The following NELL1 variants were observed in gnomAD, a reference collection of about 807,000 sequenced individuals.
NELL1 encodes the protein protein kinase C-binding protein NELL1.
Under a neutral mutation model 107.4 loss-of-function variants are expected in NELL1, and 76 were observed. That is an observed-to-expected ratio of 0.71 (90% CI 0.59 to 0.86). The LOEUF (loss-of-function observed/expected upper bound fraction) is 0.86, where lower values mean the gene tolerates loss of function less well. NELL1 is among the 40% of genes least tolerant of loss of function. The probability of loss-of-function intolerance (pLI) is 0.00; values close to 1 mark genes in which losing one functional copy is unlikely to be tolerated. For missense variants in NELL1, 1,024 were observed against 1,005.5 expected, an observed-to-expected ratio of 1.02 and a Z score of -0.25; for synonymous variants, 353 against 341.2, an observed-to-expected ratio of 1.03 and a Z score of -0.38.
Position 20,856,773 on chromosome 11 carries a change from G to A in NELL1, c.506+9020G>A, listed in dbSNP as rs573283793. On this transcript the variant is annotated intron_variant, in intron 4 of 19. Transcript: ENST00000357134. ...CTCAGAAGCATAACACCACGCTAAG[G>A]AAAATGTAGAATTTTTGCTTAATCA... 2.0e-5 allele frequency among the ~76,000 whole-genome samples: 3 copies of A among 152,322 alleles called. No individual in the cohort carries two copies. The South Asian group carries it at 6.2e-4, about 32-fold the overall frequency.
intron 2 of NELL1, among the ~76,000 whole-genome samples, chr11:20,714,141 C>T (rs999362383): frequency 2.0e-5 from 3 of 147,510 alleles, no homozygotes; most frequent in African/African-American, 5.0e-5. Flanking sequence ...ACACACTGTT[C>T]TGTCATTCGA....
chr11:20,984,040 T>C (rs1419141116), intron 12 of NELL1, among the ~76,000 whole-genome samples: 1 of 151,986 alleles, frequency 6.6e-6, no homozygotes, highest in Non-Finnish European at 1.5e-5. Context: ...ATCGTCTATC[T>C]TTTTTTTCAG....
At position 20,922,849 on chromosome 11, in the gene NELL1, T is replaced by C. The variant is rs1850410040; in HGVS notation, c.759+3515T>C. Among the ~76,000 whole-genome samples the C allele has an allele frequency of 2.0e-5, 3 of 152,296 alleles. No individual in the cohort carries two copies. The South Asian group carries it at 6.2e-4, about 32-fold the overall frequency. Reference sequence around the variant, plus strand: ...TTCCCCATATGTAAAATGGTGACAATTATTCCTGCTCTTGTAAAGATTCCG... The same window carrying C: ...TTCCCCATATGTAAAATGGTGACAACTATTCCTGCTCTTGTAAAGATTCCG... On this transcript the variant is annotated intron_variant, in intron 7 of 19. Coordinates refer to ENST00000357134, the MANE Select transcript of NELL1 (RefSeq NM_006157.5).
intron 15 of NELL1, among the ~76,000 whole-genome samples, chr11:21,403,702 A>G (rs899239659): frequency 1.5e-4 from 23 of 151,660 alleles, no homozygotes; most frequent in Non-Finnish European, 1.3e-4. Flanking sequence ...CAGGAAGTGA[A>G]GGAGAGAGCA....
chr11:21,417,836 A>G lies in NELL1; in HGVS notation c.1645+46888A>G, dbSNP rs187712758. Among the ~76,000 whole-genome samples the G allele has an allele frequency of 6.5e-4, 98 of 151,924 alleles. 1 individual carries two copies. Among genetic ancestry groups the G allele is most frequent in the Non-Finnish European group, 3.5e-4 (24 of 67,978 alleles). ...CTATTAGTCGCACCTCACATCCTTTACCCATGGTGTTTTCTTTGAAAAACA... is the reference window on the plus strand; with the variant it reads ...CTATTAGTCGCACCTCACATCCTTTGCCCATGGTGTTTTCTTTGAAAAACA... On this transcript the variant is annotated intron_variant, in intron 15 of 19. Coordinates refer to ENST00000357134, the MANE Select transcript of NELL1 (RefSeq NM_006157.5).
chr11:20,730,841 A>G (rs1326949118), intron 2 of NELL1, among the ~76,000 whole-genome samples: 1 of 152,166 alleles, frequency 6.6e-6, no homozygotes, highest in Non-Finnish European at 1.5e-5. Flanking sequence ...CTGGATGAGG[A>G]GTATAGTTTA....
chr11:20,980,301 G>A (rs1366082602), intron 12 of NELL1, among the ~76,000 whole-genome samples: 1 of 152,166 alleles, frequency 6.6e-6, no homozygotes, highest in Non-Finnish European at 1.5e-5. Context: ...GGACTATGCA[G>A]TAGATTTCAC....
chr11:21,289,534 T>G (rs1260336110), intron 14 of NELL1, among the ~76,000 whole-genome samples: 1 of 152,130 alleles, frequency 6.6e-6, no homozygotes, highest in Non-Finnish European at 1.5e-5. Flanking sequence ...GGAGATTCCC[T>G]TGGGTGCCTG....
chr11:21,099,226 C>A (rs867699366), intron 12 of NELL1, among the ~76,000 whole-genome samples: 1,663 of 140,352 alleles, frequency 0.012, 17 homozygotes, highest in Non-Finnish European at 0.015. Flanking sequence ...CACACACACA[C>A]ACACACAAAC....
chr11:21,395,035 T>G (rs1407171806), intron 15 of NELL1, among the ~76,000 whole-genome samples: 1 of 151,352 alleles, frequency 6.6e-6, no homozygotes, highest in East Asian at 2.0e-4. Context: ...TTAAATGGAT[T>G]TGAGAGACTG....
intron 2 of NELL1, among the ~76,000 whole-genome samples, chr11:20,767,838 A>T (rs551309233): frequency 6.6e-5 from 10 of 152,382 alleles, no homozygotes; most frequent in African/African-American, 2.4e-4. Flanking sequence ...CCCTGTCTAC[A>T]TGAAGCCTAT....
chr11:21,415,426 C>G (rs566919421), intron 15 of NELL1, among the ~76,000 whole-genome samples: 92 of 152,088 alleles, frequency 6.0e-4, no homozygotes, highest in African/African-American at 2.2e-3. Flanking sequence ...TTGATAACAC[C>G]AGACCATCTC....
chr11:21,186,718 C>T (rs965671449), intron 13 of NELL1, among the ~76,000 whole-genome samples: 6 of 151,796 alleles, frequency 4.0e-5, no homozygotes, highest in African/African-American at 1.5e-4. Context: ...ATTTTTATAT[C>T]ACTGGAACAT....
intron 15 of NELL1, among the ~76,000 whole-genome samples, chr11:21,427,855 C>A (rs984973366): frequency 6.6e-6 from 1 of 151,976 alleles, no homozygotes; most frequent in Non-Finnish European, 1.5e-5. Context: ...CAGTCACACC[C>A]AAAAACTAGT....
intron 7 of NELL1, among the ~76,000 whole-genome samples, chr11:20,924,631 T>G (rs1323409712): frequency 6.6e-6 from 1 of 152,140 alleles, no homozygotes; most frequent in Non-Finnish European, 1.5e-5. Context: ...CCTTAAGAAG[T>G]TCCCTTCTTG....
intron 3 of NELL1, among the ~76,000 whole-genome samples, chr11:20,807,521 C>T (rs1857410219): frequency 6.6e-6 from 1 of 152,172 alleles, no homozygotes; most frequent in African/African-American, 2.4e-5. Context: ...CTGGGTCTTG[C>T]CCAAGGCCTA....
chr11:20,854,302 GC>G (rs1848841442), intron 4 of NELL1, among the ~76,000 whole-genome samples: 2 of 152,110 alleles, frequency 1.3e-5, no homozygotes, highest in African/African-American at 4.8e-5. Flanking sequence ...AAAATGTGGG[GC>G]TAGGACTAGA....
intron 2 of NELL1, among the ~76,000 whole-genome samples, chr11:20,686,195 A>G (rs150713312): frequency 3.3e-5 from 5 of 152,212 alleles, no homozygotes; most frequent in African/African-American, 9.6e-5. Flanking sequence ...CCTTCATTTC[A>G]GTGCTAGCCT....
intron 14 of NELL1, among the ~76,000 whole-genome samples, chr11:21,312,982 G>A (rs145274259): frequency 9.2e-5 from 14 of 151,858 alleles, no homozygotes; most frequent in African/African-American, 3.1e-4. Flanking sequence ...AGGCTGAGGT[G>A]CAAGAATCCC....
Sources: gnomAD v4.1 joint callset for allele counts (sites outside exome capture counted in the v4.1 genomes callset) on GRCh38, gnomAD v4.1.1 for gene constraint, MANE v1.5 for transcripts, NCBI Gene and HGNC (gene_info 2026-07-23, HGNC 2026-07-21) for gene names.